ASIC2: variants seen among roughly 807,000 people sequenced by gnomAD.
ASIC2 encodes acid sensing ion channel subunit 2.
In ASIC2, 25 loss-of-function variants were observed where a neutral mutation model predicts 57.3. That is an observed-to-expected ratio of 0.44 (90% confidence interval 0.32 to 0.61). The LOEUF (loss-of-function observed/expected upper bound fraction) is 0.61. Ranked by LOEUF, ASIC2 falls within the 20% of genes least tolerant of loss-of-function variation. ASIC2 has a pLI of 0.06. For synonymous variants in ASIC2, 319 were observed against 307.5 expected, an observed-to-expected ratio of 1.04 and a Z score of -0.39; for missense variants, 641 against 738.1, an observed-to-expected ratio of 0.87 and a Z score of 1.52.
rs117604417 is a variant in ASIC2, at chr17:33,139,560, C to T, written c.709-27493G>A. Among the ~76,000 whole-genome samples the T allele has an allele frequency of 5.8e-4, 89 of 152,330 alleles. No homozygotes were observed. The East Asian group carries it at 0.01, about 17-fold the overall frequency. On this transcript the variant is annotated intron_variant, in intron 1 of 9. Transcript: ENST00000225823. ...TTCAGTGACCACCTTGGCCAGGCCC[C>T]CAACATCTCTTATCTGGGCTACTGG...
At chr17:33,516,621 C>G (rs887344085) in intron 1 of ASIC2, among the ~76,000 whole-genome samples, 1 of 152,180 alleles carries the variant, frequency 6.6e-6, no homozygotes, top group African/African-American at 2.4e-5. Flanking sequence ...CCAGGTAAGT[C>G]TAGTGTGCAA....
chr17:33,433,659 A>G (rs1428705360), intron 1 of ASIC2, among the ~76,000 whole-genome samples: 1 of 152,160 alleles, frequency 6.6e-6, no homozygotes, highest in Non-Finnish European at 1.5e-5. Context: ...CTGAGACAGG[A>G]GAATCGCTTG....
intron 1 of ASIC2, among the ~76,000 whole-genome samples, chr17:33,564,201 T>G (rs748442619): frequency 1.3e-4 from 20 of 152,210 alleles, no homozygotes; most frequent in Non-Finnish European, 2.4e-4. Context: ...TCTGTCTGTC[T>G]TCCTCTCTCG....
chr17:33,969,106 G>C (rs1905152165), intron 1 of ASIC2, among the ~76,000 whole-genome samples: 1 of 152,154 alleles, frequency 6.6e-6, no homozygotes, highest in African/African-American at 2.4e-5. Context: ...ATTTGCATAA[G>C]ACTCTCCAGG....
intron 1 of ASIC2, among the ~76,000 whole-genome samples, chr17:33,429,062 C>T (rs151334780): frequency 0.016 from 2,411 of 152,190 alleles, 32 homozygotes; most frequent in Middle Eastern, 0.031. Context: ...GTGAGCTCAC[C>T]CAGGTGATCT....
At chr17:33,033,275 C>T (rs759799498) in intron 3 of ASIC2, among the ~76,000 whole-genome samples, 10 of 152,172 alleles carry the variant, frequency 6.6e-5, no homozygotes, top group Non-Finnish European at 1.0e-4. Context: ...GGGCTACAGC[C>T]GCCCAAACTG....
intron 1 of ASIC2, among the ~76,000 whole-genome samples, chr17:33,493,914 G>GTT (rs1030255879): frequency 2.6e-5 from 4 of 152,212 alleles, no homozygotes; most frequent in African/African-American, 9.6e-5. Flanking sequence ...ATACAATGCT[G>GTT]TTCTGGCTCC....
intron 1 of ASIC2, among the ~76,000 whole-genome samples, chr17:33,220,752 C>T (rs1159747017): frequency 6.6e-6 from 1 of 152,064 alleles, no homozygotes; most frequent in Non-Finnish European, 1.5e-5. Flanking sequence ...GTGTTACTAT[C>T]CCCCATGAGA....
chr17:33,979,567 G>A (rs1402022853), intron 1 of ASIC2, among the ~76,000 whole-genome samples: 1 of 152,146 alleles, frequency 6.6e-6, no homozygotes, highest in Non-Finnish European at 1.5e-5. Flanking sequence ...ACCAAGATGG[G>A]TTATATTTGG....
At position 33,594,420 on chromosome 17, in the gene ASIC2, T is replaced by C. The variant is rs562696607; in HGVS notation, c.556-482353A>G. On this transcript the variant is annotated intron_variant, in intron 1 of 9. Coordinates refer to the ASIC2 transcript ENST00000359872. ...TGTCTACAGTGACTTAGAATGCAAC[T>C]TACAATACCATCACCAATAACATCC... 2.0e-5 allele frequency among the ~76,000 whole-genome samples: 3 copies of C among 152,338 alleles called. No homozygotes were observed. The South Asian group carries it at 6.2e-4, about 32-fold the overall frequency.
At chr17:33,808,379 T>C (rs988058708) in intron 1 of ASIC2, among the ~76,000 whole-genome samples, 2 of 152,214 alleles carry the variant, frequency 1.3e-5, no homozygotes, top group African/African-American at 4.8e-5. Flanking sequence ...TTTCCATTGA[T>C]CCATTTGTCT....
chr17:33,539,408 C>T (rs1394219317), intron 1 of ASIC2, among the ~76,000 whole-genome samples: 4 of 152,246 alleles, frequency 2.6e-5, no homozygotes, highest in Non-Finnish European at 4.4e-5. Flanking sequence ...CCTTCTGAGC[C>T]CCTTTCAGGG....
At chr17:33,483,050 C>T (rs561367812) in intron 1 of ASIC2, among the ~76,000 whole-genome samples, 5 of 152,204 alleles carry the variant, frequency 3.3e-5, no homozygotes, top group Middle Eastern at 3.4e-3. Flanking sequence ...GAGGCAGAAG[C>T]GGGAGGGAAG....
intron 1 of ASIC2, among the ~76,000 whole-genome samples, chr17:34,123,969 T>C (rs554093762): frequency 1.3e-5 from 2 of 152,134 alleles, no homozygotes; most frequent in East Asian, 1.9e-4. Context: ...GTAGTCCCAG[T>C]TACTCGAGAG....
At chr17:33,621,650 G>T (rs916469822) in intron 1 of ASIC2, among the ~76,000 whole-genome samples, 2 of 152,188 alleles carry the variant, frequency 1.3e-5, no homozygotes, top group Non-Finnish European at 2.9e-5. Flanking sequence ...GTGCCTTGGG[G>T]TCAGTGTGTC....
intron 1 of ASIC2, among the ~76,000 whole-genome samples, chr17:33,401,270 A>G (rs1211165574): frequency 4.6e-5 from 7 of 152,254 alleles, no homozygotes; most frequent in Non-Finnish European, 1.0e-4. Context: ...ACTACTGGTA[A>G]GCACTACCAA....
intron 1 of ASIC2, among the ~76,000 whole-genome samples, chr17:33,298,439 A>G (rs1905813405): frequency 6.6e-6 from 1 of 152,148 alleles, no homozygotes; most frequent in Non-Finnish European, 1.5e-5. Flanking sequence ...ATCATTTTTT[A>G]TGGCTGCATA....
chr17:33,800,385 T>C (rs1440282308), intron 1 of ASIC2, among the ~76,000 whole-genome samples: 1 of 152,202 alleles, frequency 6.6e-6, no homozygotes, highest in Non-Finnish European at 1.5e-5. Context: ...CTCCAGAGTT[T>C]CTGTGCTTTT....
chr17:33,432,352 CA>C (rs1911449613), intron 1 of ASIC2, among the ~76,000 whole-genome samples: 1 of 152,114 alleles, frequency 6.6e-6, no homozygotes, highest in African/African-American at 2.4e-5. Flanking sequence ...CTCGTCTCTA[CA>C]AAAAGTACAA....
Sources: gnomAD v4.1 joint callset for allele counts (sites outside exome capture counted in the v4.1 genomes callset) on GRCh38, gnomAD v4.1.1 for gene constraint, MANE v1.5 for transcripts, NCBI Gene and HGNC (gene_info 2026-07-23, HGNC 2026-07-21) for gene names.